The following ADAMTSL1 variants were observed in gnomAD, a reference collection of about 807,000 sequenced individuals.
ADAMTSL1 encodes ADAMTS like 1, also known as ADAMTS-like protein 1.
ADAMTSL1 carries 126 observed loss-of-function variants against 201.8 expected under a neutral mutation model. That is an observed-to-expected ratio of 0.62 (90% CI 0.54 to 0.72). The LOEUF is 0.72. Ranked by LOEUF, ADAMTSL1 falls within the 30% of genes least tolerant of loss-of-function variation. The pLI is 0.00. For synonymous variants in ADAMTSL1, 1,121 were observed against 903.4 expected (o/e 1.24, Z -4.32); for missense variants, 2,679 against 2,277.8 (o/e 1.18, Z -3.59).
intron 1 of ADAMTSL1, among the ~76,000 whole-genome samples, chr9:17,935,281 T>G (rs1826958753): frequency 6.6e-6 from 1 of 152,092 alleles, no homozygotes; most frequent in Admixed American, 6.6e-5. Flanking sequence ...TTATGGGTTG[T>G]CCCTTCTGTC....
intron 26 of ADAMTSL1, among the ~76,000 whole-genome samples, chr9:18,901,140 T>C (rs929539045): frequency 2.2e-4 from 32 of 144,020 alleles, no homozygotes; most frequent in African/African-American, 8.0e-4. Flanking sequence ...AAGCCCTTTT[T>C]CTTTATTTAA....
chr9:18,890,448 A>ACTGGTGCG, intron 25 of ADAMTSL1: 1 of 453,404 alleles, frequency 2.2e-6, no homozygotes, highest in Non-Finnish European at 4.4e-6. Flanking sequence ...GCACTGGTGC[A>ACTGGTGCG]GTGCTGAGAG....
chr9:18,366,713 C>T (rs1384791006), intron 2 of ADAMTSL1, among the ~76,000 whole-genome samples: 1 of 143,866 alleles, frequency 7.0e-6, no homozygotes, highest in Admixed American at 7.1e-5. Context: ...GCAGTGGCAC[C>T]ATCTCAGCTC....
At chr9:18,230,938 TGGG>T (rs1563823069) in intron 2 of ADAMTSL1, among the ~76,000 whole-genome samples, 1 of 152,128 alleles carries the variant, frequency 6.6e-6, no homozygotes, top group East Asian at 1.9e-4. Flanking sequence ...TTTTCCTCCT[TGGG>T]GGAATTTTCT....
chr9:18,374,186 C>A (rs1367234364), intron 2 of ADAMTSL1, among the ~76,000 whole-genome samples: 1 of 152,122 alleles, frequency 6.6e-6, no homozygotes, highest in East Asian at 1.9e-4. Context: ...TTTGCTAATG[C>A]CTACTCTTTT....
chr9:18,036,196 G>A lies in ADAMTSL1; in HGVS notation c.88-127666G>A, dbSNP rs115350044. The stretch of plus-strand genomic sequence containing the variant: ...TACTTTAAAGCATTACTGGTTGAAG[G>A]AATTGTAATAAGTCAAGTGGCTGGA... On this transcript the variant is annotated intron_variant, in intron 1 of 29. Coordinates refer to the ADAMTSL1 transcript ENST00000680146. 5.9e-3 allele frequency among the ~76,000 whole-genome samples: 902 copies of A among 152,292 alleles called. 6 individuals carry two copies. The highest frequency in any genetic ancestry group is 0.02 in the African/African-American group (850 of 41,562).
At chr9:18,667,682 T>C (rs1829538146) in intron 9 of ADAMTSL1, among the ~76,000 whole-genome samples, 1 of 152,172 alleles carries the variant, frequency 6.6e-6, no homozygotes, top group Non-Finnish European at 1.5e-5. Flanking sequence ...AGCTATATAA[T>C]GACTAAGATC....
intron 1 of ADAMTSL1, among the ~76,000 whole-genome samples, chr9:17,989,252 T>C (rs1044714564): frequency 6.6e-6 from 1 of 151,994 alleles, no homozygotes; most frequent in African/African-American, 2.4e-5. Context: ...CATCTTCTTA[T>C]GTTTGTGTGT....
chr9:18,222,932 A>T (rs144851097), intron 2 of ADAMTSL1, among the ~76,000 whole-genome samples: 3 of 151,856 alleles, frequency 2.0e-5, no homozygotes, highest in South Asian at 2.1e-4. Context: ...TGCCAGTGTA[A>T]TTTTTGTATC....
chr9:18,860,883 C>T (rs1013030680), intron 23 of ADAMTSL1, among the ~76,000 whole-genome samples: 1 of 152,226 alleles, frequency 6.6e-6, no homozygotes, highest in Non-Finnish European at 1.5e-5. Flanking sequence ...TTCTGTCCCA[C>T]AGTAAGCGTA....
intron 2 of ADAMTSL1, among the ~76,000 whole-genome samples, chr9:18,367,019 T>C (rs1836797166): frequency 6.6e-6 from 1 of 152,222 alleles, no homozygotes; most frequent in Non-Finnish European, 1.5e-5. Context: ...TCCCCTCCCC[T>C]GAGCTCGCCA....
chr9:18,178,447 G>T (rs1330819737), intron 2 of ADAMTSL1, among the ~76,000 whole-genome samples: 1 of 152,176 alleles, frequency 6.6e-6, no homozygotes, highest in Non-Finnish European at 1.5e-5. Flanking sequence ...GCGAGGCTGG[G>T]GGAGGGGCGC....
intron 1 of ADAMTSL1, among the ~76,000 whole-genome samples, chr9:17,989,828 AT>A (rs897798444): frequency 0.028 from 4,078 of 145,622 alleles, 78 homozygotes; most frequent in Non-Finnish European, 0.044. Flanking sequence ...ATAGCATCTG[AT>A]TTTTTTTTTT....
At chr9:18,593,257 AT>A (rs1187277430) in intron 4 of ADAMTSL1, among the ~76,000 whole-genome samples, 1 of 152,164 alleles carries the variant, frequency 6.6e-6, no homozygotes, top group East Asian at 1.9e-4. Flanking sequence ...AGTATGTTAA[AT>A]AACATGTTGG....
chr9:18,430,233 T>C (rs1819424842), intron 2 of ADAMTSL1, among the ~76,000 whole-genome samples: 2 of 152,188 alleles, frequency 1.3e-5, no homozygotes, highest in African/African-American at 4.8e-5. Context: ...GCCGGGTGGT[T>C]TCTAGACAAC....
chr9:18,511,622 C>T (rs1818029773), intron 2 of ADAMTSL1, among the ~76,000 whole-genome samples: 1 of 151,948 alleles, frequency 6.6e-6, no homozygotes, highest in South Asian at 2.1e-4. Flanking sequence ...AGTCTTAGTC[C>T]ACAGGAATAG....
rs200656240 is a variant in ADAMTSL1, at chr9:18,314,051, C to T, written c.207+150070C>T. On this transcript the variant is annotated intron_variant, in intron 2 of 29. Transcript: ENST00000680146. ...TGAATAAATGTTTCTCCAAGGACAA[C>T]GTAAAAACGCCAACAGGTATGTGAG... 1.2e-4 allele frequency among the ~76,000 whole-genome samples: 18 copies of T among 152,158 alleles called. No homozygotes were observed. In the East Asian group the frequency reaches 2.7e-3, roughly 23 times the overall value.
chr9:18,177,491 T>C (rs937163769), intron 2 of ADAMTSL1, among the ~76,000 whole-genome samples: 1 of 152,190 alleles, frequency 6.6e-6, no homozygotes, highest in Non-Finnish European at 1.5e-5. Flanking sequence ...TGTTTTTTCC[T>C]TATGTAAAAG....
intron 1 of ADAMTSL1, among the ~76,000 whole-genome samples, chr9:17,950,200 T>C (rs1489026665): frequency 3.9e-5 from 6 of 152,048 alleles, no homozygotes; most frequent in Non-Finnish European, 8.8e-5. Context: ...AGCCACTGCA[T>C]CTGGCCTGTG....
Sources: allele counts gnomAD v4.1 joint callset (sites outside exome capture counted in the v4.1 genomes callset), GRCh38; gene constraint gnomAD v4.1.1; transcripts MANE v1.5; gene names NCBI Gene and HGNC (gene_info 2026-07-23, HGNC 2026-07-21).